Variants in C10orf90 observed in about 807,000 individuals in gnomAD.
C10orf90 encodes chromosome 10 open reading frame 90.
A neutral mutation model predicts 62.5 loss-of-function variants in C10orf90; 56 were observed. The observed-to-expected ratio is 0.90, with a 90% CI of 0.72 to 1.12. C10orf90 has a LOEUF of 1.12. Among genes scored for constraint, C10orf90 ranks in the 50% most tolerant of loss-of-function variants. The probability of loss-of-function intolerance (pLI) is 0.00; values close to 1 mark genes in which losing one functional copy is unlikely to be tolerated. For missense variants in C10orf90, 970 were observed against 880.4 expected (o/e 1.10, Z -1.29); for synonymous variants, 386 against 340.4 (o/e 1.13, Z -1.47).
chr10:126,497,494 G>A (rs570491191), intron 4 of C10orf90, among the ~76,000 whole-genome samples: 23 of 152,330 alleles, frequency 1.5e-4, no homozygotes, highest in Admixed American at 2.6e-4. Flanking sequence ...AAGCTGGCTT[G>A]TCTGACAGCT....
rs115584698 is a variant in C10orf90 at position 126,664,152 on chromosome 10, T to C, written c.240+6089A>G. Among the ~76,000 whole-genome samples, 983 of 152,278 alleles carry C rather than the reference T, an allele frequency of 6.5e-3. 14 individuals are homozygous for C. Among genetic ancestry groups the C allele is most frequent in the African/African-American group, 0.022 (923 of 41,566 alleles). On this transcript the variant is annotated intron_variant, in intron 1 of 9. Transcript: ENST00000488181. Reference sequence around the variant, plus strand: ...ATTTGATGACTAATCTCTGAATTGCTTGGGGGATGGAGATTACCCTGAGCC... The same window carrying C: ...ATTTGATGACTAATCTCTGAATTGCCTGGGGGATGGAGATTACCCTGAGCC...
At chr10:126,482,353 G>A (rs1861214608) in intron 4 of C10orf90, among the ~76,000 whole-genome samples, 1 of 152,160 alleles carries the variant, frequency 6.6e-6, no homozygotes, top group African/African-American at 2.4e-5. Context: ...ATAGCCTAGT[G>A]AGCAATTGCC....
At chr10:126,457,092 G>A (rs1173009480) in intron 7 of C10orf90, among the ~76,000 whole-genome samples, 1 of 152,188 alleles carries the variant, frequency 6.6e-6, no homozygotes, top group Non-Finnish European at 1.5e-5. Context: ...AAGCTCAGGT[G>A]ATCCTTGCAC....
intron 7 of C10orf90, among the ~76,000 whole-genome samples, chr10:126,435,843 T>C (rs1001869548): frequency 6.6e-6 from 1 of 152,050 alleles, no homozygotes; most frequent in African/African-American, 2.4e-5. Flanking sequence ...GCCAACTCTC[T>C]CCCCAAGTGG....
At chr10:126,570,211 G>C (rs1844478219) in intron 2 of C10orf90, among the ~76,000 whole-genome samples, 1 of 152,202 alleles carries the variant, frequency 6.6e-6, no homozygotes, top group African/African-American at 2.4e-5. Context: ...CTTTATGCCT[G>C]CGACTCAGAA....
chr10:126,661,289 T>C (rs1444048072), intron 1 of C10orf90, among the ~76,000 whole-genome samples: 1 of 152,210 alleles, frequency 6.6e-6, no homozygotes, highest in African/African-American at 2.4e-5. Flanking sequence ...GGGTACAGCC[T>C]CCATGCCAAT....
At chr10:126,459,385 T>C (rs76537259) in intron 6 of C10orf90, among the ~76,000 whole-genome samples, 168 bp from the exon 7 acceptor site, 6,603 of 152,306 alleles carry the variant, frequency 0.043, 147 homozygotes, top group East Asian at 0.053. Context: ...GTAAAGAAGG[T>C]AACAGGCATG....
chr10:126,448,993 T>C (rs1420744465), intron 7 of C10orf90, among the ~76,000 whole-genome samples: 1 of 152,150 alleles, frequency 6.6e-6, no homozygotes, highest in Non-Finnish European at 1.5e-5. Context: ...TCAAACTCTT[T>C]CAAAAAAATT....
At chr10:126,652,728 A>G (rs1002952035) in intron 1 of C10orf90, among the ~76,000 whole-genome samples, 1 of 152,204 alleles carries the variant, frequency 6.6e-6, no homozygotes, top group African/African-American at 2.4e-5. Context: ...TCCAAAATAT[A>G]GGCATGTTAA....
intron 1 of C10orf90, among the ~76,000 whole-genome samples, chr10:126,648,477 G>C (rs1846215078): frequency 6.6e-6 from 1 of 152,152 alleles, no homozygotes; most frequent in South Asian, 2.1e-4. Flanking sequence ...AAGACACTAA[G>C]TATCATTATT....
intron 8 of C10orf90, among the ~76,000 whole-genome samples, chr10:126,429,024 A>G (rs936159726): frequency 6.6e-6 from 1 of 152,186 alleles, no homozygotes; most frequent in African/African-American, 2.4e-5. Flanking sequence ...CCCTATTTCA[A>G]TGGTTTCTTT....
intron 2 of C10orf90, among the ~76,000 whole-genome samples, chr10:126,556,017 G>T (rs1331725879): frequency 6.6e-6 from 1 of 152,304 alleles, no homozygotes; most frequent in African/African-American, 2.4e-5. Context: ...TGTGAAGTGA[G>T]TTGACCTCAC....
intron 1 of C10orf90, among the ~76,000 whole-genome samples, chr10:126,657,471 TG>T (rs1846417451): frequency 6.6e-6 from 1 of 152,230 alleles, no homozygotes; most frequent in Admixed American, 6.5e-5. Context: ...CATCCAAAGG[TG>T]GGCTGCATTT....
chr10:126,622,407 A>G lies in C10orf90; in HGVS notation c.313+24158T>C, dbSNP rs373846062. 3.4e-4 allele frequency among the ~76,000 whole-genome samples: 52 copies of G among 152,296 alleles called. 2 individuals are homozygous for G. Among genetic ancestry groups the G allele is most frequent in the African/African-American group, 1.0e-3 (42 of 41,572 alleles). On this transcript the variant is annotated intron_variant, in intron 2 of 9. Transcript: ENST00000488181. ...GAAAAAAGCCTCAGGTTCCAAGCCC[A>G]GGTACTCCATGACACTGGTTCTCAA...
chr10:126,575,565 G>GAA (rs570446562), intron 2 of C10orf90, among the ~76,000 whole-genome samples: 6 of 148,152 alleles, frequency 4.0e-5, no homozygotes, highest in African/African-American at 1.5e-4. Context: ...CACAGAAATT[G>GAA]AAAAAAAAAA....
intron 2 of C10orf90, among the ~76,000 whole-genome samples, chr10:126,561,203 T>C (rs1864892899): frequency 6.6e-6 from 1 of 152,178 alleles, no homozygotes; most frequent in South Asian, 2.1e-4. Context: ...TCTGGAAGAA[T>C]CTTTAGAAAG....
At chr10:126,544,520 C>A (rs1864447418) in intron 2 of C10orf90, among the ~76,000 whole-genome samples, 1 of 151,974 alleles carries the variant, frequency 6.6e-6, no homozygotes, top group South Asian at 2.1e-4. Flanking sequence ...GACACATTCC[C>A]AAGCAAGAAA....
chr10:126,442,633 GTATATA>G (rs56368633), intron 7 of C10orf90, among the ~76,000 whole-genome samples: 308 of 88,418 alleles, frequency 3.5e-3, no homozygotes, highest in African/African-American at 8.6e-3. Flanking sequence ...TTGTGTGTGT[GTATATA>G]TATATATATA....
At chr10:126,640,228 G>A (rs35721168) in intron 2 of C10orf90, among the ~76,000 whole-genome samples, 4 of 152,294 alleles carry the variant, frequency 2.6e-5, no homozygotes, top group East Asian at 3.9e-4. Flanking sequence ...AGCCACTTCT[G>A]GGGGAGCCTC....
Sources: allele counts gnomAD v4.1 joint callset (sites outside exome capture counted in the v4.1 genomes callset), GRCh38; gene constraint gnomAD v4.1.1; transcripts MANE v1.5; gene names NCBI Gene and HGNC (gene_info 2026-07-23, HGNC 2026-07-21).